Variants in SLC7A6 observed in about 807,000 individuals in gnomAD.
SLC7A6 encodes Y+L amino acid transporter 2.
SLC7A6 carries 29 observed loss-of-function variants against 46.6 expected under a neutral mutation model. That is an observed-to-expected ratio of 0.62 (90% CI 0.46 to 0.85). The LOEUF is 0.85. SLC7A6 is among the 40% of genes least tolerant of loss of function. The pLI is 0.00. For synonymous variants in SLC7A6, 276 were observed against 257.3 expected (o/e 1.07, Z -0.70); for missense variants, 527 against 647.6 (o/e 0.81, Z 2.02).
rs749950583 is a variant in SLC7A6, at chr16:68,290,542, T to TAAAG, written c.794+4_794+7dup. The TAAAG allele has an allele frequency of 2.5e-6, 4 of 1,613,968 alleles. No individual in the cohort carries two copies. The African/African-American group carries it at 4.0e-5, about 16-fold the overall frequency. Reference sequence around the variant, plus strand: ...AGAAGAAATCAAAAACCCAGAAAGGTAAAGATGGGATCACACTCTCACTCC... The same window carrying TAAAG: ...AGAAGAAATCAAAAACCCAGAAAGGTAAAGAAAGATGGGATCACACTCTCACTCC... On this transcript the variant is annotated splice_region_variant and intron_variant, in intron 5 of 10. Transcript: ENST00000219343.
chr16:68,271,288 T>G (rs1358958377), intron 2 of SLC7A6, among the ~76,000 whole-genome samples: 1 of 152,216 alleles, frequency 6.6e-6, no homozygotes, highest in Non-Finnish European at 1.5e-5. Context: ...TCATCATGTC[T>G]GCTCCCATTT....
intron 2 of SLC7A6, among the ~76,000 whole-genome samples, chr16:68,267,261 C>A (rs184888515): frequency 7.6e-6 from 1 of 131,930 alleles, no homozygotes; most frequent in Non-Finnish European, 1.5e-5. Flanking sequence ...ATTGCCCTGG[C>A]GGAGTGCAAT....
intron 3 of SLC7A6, chr16:68,287,237 C>G: frequency 9.5e-7 from 1 of 1,052,164 alleles, no homozygotes. Context: ...CTCAGTTTCC[C>G]AAAGTGCTGG....
Position 68,291,232 on chromosome 16 carries a change from T to G in SLC7A6, c.818T>G (p.Ile273Ser). ...PERNLPLAIG[I>S]SMPIVTLIYI... ...AGAAATTTGCCCTTGGCCATTGGGA[T>G]TTCTATGCCAATTGTGACGCTCATC... Residue 273 changes from isoleucine to serine, a missense_variant, in exon 6 of 11, where the codon ATT (isoleucine) becomes AGT (serine). Transcript: ENST00000219343. 6.2e-7 allele frequency: 1 copy of G among 1,614,252 alleles called. No homozygotes were observed. The highest frequency in any genetic ancestry group is 2.2e-5 in the East Asian group (1 of 44,894).
intron 3 of SLC7A6, among the ~76,000 whole-genome samples, chr16:68,282,306 T>A (rs1242248797): frequency 1.3e-5 from 2 of 152,028 alleles, no homozygotes; most frequent in Non-Finnish European, 2.9e-5. Flanking sequence ...CAGTGGCTCA[T>A]GCCTGTAATC....
intron 3 of SLC7A6, among the ~76,000 whole-genome samples, chr16:68,277,316 T>TTTTATTTA (rs71145991): frequency 0.15 from 20,482 of 135,752 alleles, 1,800 homozygotes; most frequent in Middle Eastern, 0.26. Flanking sequence ...AGAAGAGTAC[T>TTTTATTTA]TTTATTTATT....
Position 68,300,888 on chromosome 16 carries a change from G to GA in SLC7A6, c.*3560_*3561insA. On this transcript the variant is annotated 3_prime_UTR_variant, in exon 11 of 11. Coordinates refer to ENST00000219343, the MANE Select transcript of SLC7A6 (RefSeq NM_003983.6). ...GGGTTTTCCTAGAGGCAGGCAGCCTGGTGGTATGGCACAGCAGAAGCTTAC... is the reference window on the plus strand; with the variant it reads ...GGGTTTTCCTAGAGGCAGGCAGCCTGAGTGGTATGGCACAGCAGAAGCTTAC... 1.0e-6 allele frequency: 1 copy of GA among 991,410 alleles called. No homozygotes were observed. The highest frequency in any genetic ancestry group is 1.2e-6 in the Non-Finnish European group (1 of 834,048). The allele number at this position is 991,410 out of a possible 1,614,324, so 61.4% of individuals were successfully genotyped here. A position where few individuals can be genotyped will look rare whatever the true frequency, so the allele number is the denominator to read the frequency against.
intron 7 of SLC7A6, 175 bp downstream of exon 7, chr16:68,291,836 A>G: frequency 1.8e-6 from 1 of 570,248 alleles, no homozygotes; most frequent in Non-Finnish European, 3.1e-6. Context: ...TTGTGCAAGT[A>G]GCACATTTGT....
At chr16:68,287,339 A>G in intron 3 of SLC7A6, 1 of 1,290,156 alleles carries the variant, frequency 7.8e-7, no homozygotes, top group Non-Finnish European at 1.0e-6. Context: ...TGCCATCTGC[A>G]TTCAAATTTA....
At chr16:68,270,258 G>C (rs1350533396) in intron 2 of SLC7A6, among the ~76,000 whole-genome samples, 1 of 152,006 alleles carries the variant, frequency 6.6e-6, no homozygotes, top group Non-Finnish European at 1.5e-5. Flanking sequence ...GATCTTTCTG[G>C]GTGCTCCTGC....
At chr16:68,270,339 G>GTT (rs373776084) in intron 2 of SLC7A6, among the ~76,000 whole-genome samples, 1 of 149,866 alleles carries the variant, frequency 6.7e-6, no homozygotes, top group Non-Finnish European at 1.5e-5. Context: ...AGGCATAGAG[G>GTT]TTTTTTTTTT....
At chr16:68,285,541 A>G (rs2042913159) in intron 3 of SLC7A6, among the ~76,000 whole-genome samples, 1 of 152,132 alleles carries the variant, frequency 6.6e-6, no homozygotes, top group African/African-American at 2.4e-5. Context: ...CTACTCCCAC[A>G]TCATGATTGA....
rs925428996 is a variant in SLC7A6 at position 68,297,470 on chromosome 16, C to G, written c.*142C>G. 3 of 584,604 alleles carry G rather than the reference C, an allele frequency of 5.1e-6. No individual in the cohort carries two copies. The highest frequency in any genetic ancestry group is 8.6e-6 in the Non-Finnish European group (3 of 347,756). The allele number at this position is 584,604 out of a possible 1,614,324, so 36.2% of individuals were successfully genotyped here. ...GTGGGGCTCAGGGCCAGTGCTCACT[C>G]TTATTGGTAAGCTATAGGAGACTCA... On this transcript the variant is annotated 3_prime_UTR_variant, in exon 11 of 11. Transcript: ENST00000219343.
In SLC7A6 at chr16:68,301,159, G is replaced by A. The variant is rs2043265475; in HGVS notation, c.*3831G>A. ...TGGTGCCGCCCGATATGCTTGATAT[G>A]CTTTTCCTTCCACATGTTAAGCTAG... On this transcript the variant is annotated 3_prime_UTR_variant, in exon 11 of 11. Coordinates refer to ENST00000219343, the MANE Select transcript of SLC7A6 (RefSeq NM_003983.6). The A allele has an allele frequency of 6.7e-7, 1 of 1,482,504 alleles. No individual in the cohort carries two copies. The highest frequency in any genetic ancestry group is 1.4e-5 in the African/African-American group (1 of 71,182). The allele number at this position is 1,482,504 out of a possible 1,614,324, so 91.8% of individuals were successfully genotyped here.
intron 2 of SLC7A6, among the ~76,000 whole-genome samples, chr16:68,268,485 A>G (rs1288256168): frequency 6.6e-6 from 1 of 152,214 alleles, no homozygotes; most frequent in Non-Finnish European, 1.5e-5. Context: ...TCCTTTAGTC[A>G]TTACAAAAAT....
chr16:68,291,688 T>TA, intron 7 of SLC7A6, 27 bp downstream of exon 7: 1 of 1,585,874 alleles, frequency 6.3e-7, no homozygotes, highest in East Asian at 2.2e-5. Flanking sequence ...TCACTGATAA[T>TA]AGACCACAAT....
intron 3 of SLC7A6, among the ~76,000 whole-genome samples, chr16:68,280,220 A>G (rs1008976043): frequency 6.6e-6 from 1 of 152,210 alleles, no homozygotes; most frequent in Non-Finnish European, 1.5e-5. Context: ...AGACTTCGGT[A>G]GGATAGGAGA....
chr16:68,290,762 T>C (rs1464969845), intron 5 of SLC7A6: 4 of 573,086 alleles, frequency 7.0e-6, no homozygotes, highest in Non-Finnish European at 1.2e-5. Flanking sequence ...GGATAGGGCC[T>C]TCCTAGAGGA....
Position 68,291,561 on chromosome 16 carries a change from T to C in SLC7A6, c.922T>C (p.Phe308Leu). 1 of 1,614,126 alleles carries C rather than the reference T, an allele frequency of 6.2e-7. No individual in the cohort carries two copies. Among genetic ancestry groups the C allele is most frequent in the Non-Finnish European group, 8.5e-7 (1 of 1,180,014 alleles). The change falls in exon 7 of 11, where the codon TTT (phenylalanine) becomes CTT (leucine). Residue 308 changes from phenylalanine (F) to leucine (L), a missense_variant. Physicochemically the swap from Phe to Leu is conservative, Grantham distance 22 (BLOSUM62 0). Transcript: ENST00000219343. ...VLSSDAVAVT[F>L]ADQTFGMFSW... The stretch of plus-strand genomic sequence containing the variant: ...CTTTTCTGTGCCCTGCCCCCAGACA[T>C]TTGCTGACCAGACGTTTGGCATGTT...
Sources: gnomAD v4.1 joint callset for allele counts (sites outside exome capture counted in the v4.1 genomes callset) on GRCh38, gnomAD v4.1.1 for gene constraint, MANE v1.5 for transcripts, NCBI Gene and HGNC (gene_info 2026-07-23, HGNC 2026-07-21) for gene names.